RBM44: variants seen among roughly 807,000 people sequenced by gnomAD.
RBM44 encodes the protein RNA binding motif protein 44.
A neutral mutation model predicts 105.1 loss-of-function variants in RBM44; 66 were observed. The observed-to-expected ratio is 0.63, with a 90% CI of 0.52 to 0.77. RBM44 has a LOEUF of 0.77. Among genes scored for constraint, RBM44 ranks in the 30% least tolerant of loss-of-function variants. The pLI, the probability that RBM44 is intolerant of heterozygous loss-of-function variation, is 0.00. For missense variants in RBM44, 1,122 were observed against 1,207.8 expected (o/e 0.93, Z 1.05); for synonymous variants, 365 against 417.6 (o/e 0.87, Z 1.54).
chr2:237,821,701 A>C (rs1371085260), intron 7 of RBM44, 42 bp from the exon 8 acceptor site: 1 of 1,380,128 alleles, frequency 7.2e-7, no homozygotes, highest in Non-Finnish European at 1.0e-6. Flanking sequence ...TTACTCTGTT[A>C]TCAAACATTA....
chr2:237,828,410 A>G (rs1174417658), intron 12 of RBM44, among the ~76,000 whole-genome samples: 1 of 152,160 alleles, frequency 6.6e-6, no homozygotes, highest in East Asian at 1.9e-4. Flanking sequence ...ACATTTCATT[A>G]AAGTAGTATT....
intron 13 of RBM44, among the ~76,000 whole-genome samples, chr2:237,829,793 T>G (rs1034557948): frequency 6.6e-6 from 1 of 152,162 alleles, no homozygotes; most frequent in Non-Finnish European, 1.5e-5. Context: ...TAATTATAAT[T>G]TCATCTTTAT....
Position 237,829,746 on chromosome 2 carries a change from T to C in RBM44, c.2886+244T>C, listed in dbSNP as rs554001883. ...TCGTTTTAACTAGGCTCTTTGCCAG[T>C]CTTTCGCCGTCTTTTTATTACTACT... On this transcript the variant is annotated intron_variant, in intron 13 of 15. Transcript: ENST00000316997. 3.3e-5 allele frequency among the ~76,000 whole-genome samples: 5 copies of C among 152,314 alleles called. No individual in the cohort carries two copies. In the East Asian group the frequency reaches 9.6e-4, roughly 29 times the overall value.
intron 2 of RBM44, 151 bp from the exon 3 acceptor site, chr2:237,816,842 T>C (rs1025053377): frequency 2.6e-4 from 142 of 544,782 alleles, no homozygotes; most frequent in Middle Eastern, 1.5e-3. Flanking sequence ...ATGGTTCAGT[T>C]TTTAGCTGCT....
intron 1 of RBM44, among the ~76,000 whole-genome samples, chr2:237,801,895 G>C (rs1223782263): frequency 6.6e-6 from 1 of 151,958 alleles, no homozygotes; most frequent in Non-Finnish European, 1.5e-5. Context: ...ATTTAACTTT[G>C]TGAATCCCAA....
At chr2:237,809,109 G>C (rs1328305892) in intron 1 of RBM44, among the ~76,000 whole-genome samples, 2 of 152,042 alleles carry the variant, frequency 1.3e-5, no homozygotes, top group Non-Finnish European at 2.9e-5. Flanking sequence ...CTACCAATTT[G>C]ATAATCAAGA....
At chr2:237,810,960 G>A (rs1045442811) in intron 1 of RBM44, among the ~76,000 whole-genome samples, 1 of 152,102 alleles carries the variant, frequency 6.6e-6, no homozygotes. Flanking sequence ...CTGAAAAACC[G>A]AAGCAACCAT....
intron 4 of RBM44, among the ~76,000 whole-genome samples, chr2:237,819,414 A>C (rs2061758689): frequency 6.6e-6 from 1 of 152,066 alleles, no homozygotes; most frequent in Non-Finnish European, 1.5e-5. Flanking sequence ...GAGAACCAGG[A>C]AGTGGGAGGG....
intron 12 of RBM44, among the ~76,000 whole-genome samples, chr2:237,828,200 G>A (rs182586517): frequency 2.4e-4 from 37 of 152,206 alleles, no homozygotes; most frequent in Admixed American, 2.2e-3. Flanking sequence ...AATGGCGATA[G>A]CTTAATGGAA....
intron 12 of RBM44, among the ~76,000 whole-genome samples, chr2:237,828,307 C>T (rs1257601704): frequency 2.0e-5 from 3 of 151,892 alleles, no homozygotes; most frequent in Non-Finnish European, 4.4e-5. Context: ...GTTGGGGTTG[C>T]AATTTATTAA....
In RBM44 at chr2:237,817,759, G is replaced by C. The variant is rs1265792588; in HGVS notation, c.840G>C (p.Lys280Asn). The C allele has an allele frequency of 6.2e-7, 1 of 1,611,908 alleles. No individual in the cohort carries two copies. Reference sequence around the variant, plus strand: ...AATATCATGACCTAAAGCATGAAAAGTATAAGGAACAAGAGACTAATTCAA... The same window carrying C: ...AATATCATGACCTAAAGCATGAAAACTATAAGGAACAAGAGACTAATTCAA... ...LREYHDLKHE[K>N]YKEQETNSMY... The change falls in exon 3 of 16, where the codon AAG becomes AAC. Residue 280 changes from lysine (K) to asparagine (N), a missense_variant. Physicochemically the swap from Lys to Asn is moderately conservative, Grantham distance 94. This residue lies in a region of RBM44 where 918 missense variants were observed against 955.3 expected (regional missense o/e 0.96). Coordinates refer to ENST00000316997, the MANE Select transcript of RBM44 (RefSeq NM_001080504.3).
chr2:237,806,843 C>T (rs1174365462), intron 1 of RBM44, among the ~76,000 whole-genome samples: 1 of 152,162 alleles, frequency 6.6e-6, no homozygotes, highest in East Asian at 1.9e-4. Context: ...AAGTTGCCCA[C>T]CTGGCAAGGA....
At chr2:237,804,043 T>C (rs1027287625) in intron 1 of RBM44, among the ~76,000 whole-genome samples, 1 of 152,120 alleles carries the variant, frequency 6.6e-6, no homozygotes, top group Non-Finnish European at 1.5e-5. Context: ...CTAATTTTTG[T>C]ATTTTTAGTA....
chr2:237,825,586 G>A (rs2061839956), intron 10 of RBM44, among the ~76,000 whole-genome samples: 1 of 152,136 alleles, frequency 6.6e-6, no homozygotes, highest in African/African-American at 2.4e-5. Context: ...TGTATGGTTT[G>A]CTTACTTGAT....
chr2:237,807,489 G>A (rs1318840891), intron 1 of RBM44, among the ~76,000 whole-genome samples: 1 of 152,194 alleles, frequency 6.6e-6, no homozygotes, highest in Non-Finnish European at 1.5e-5. Context: ...AAGCATCTGA[G>A]AACTAGTCAG....
intron 1 of RBM44, among the ~76,000 whole-genome samples, chr2:237,811,550 A>G (rs766444370): frequency 1.8e-4 from 28 of 152,122 alleles, no homozygotes; most frequent in Non-Finnish European, 3.5e-4. Flanking sequence ...TGTTACAGGC[A>G]TGAGCCACCG....
At position 237,834,120 on chromosome 2, in the gene RBM44, G is replaced by C; in HGVS notation, c.3010G>C (p.Glu1004Gln). 6.3e-7 allele frequency: 1 copy of C among 1,575,468 alleles called. No homozygotes were observed. The highest frequency in any genetic ancestry group is 8.6e-7 in the Non-Finnish European group (1 of 1,160,194). ...TACCAAGATCATAAAGAGACTGGCT[G>C]AACTGCATCCAGAAGTCAGCAGGTA... ...SFTKIIKRLA[E>Q]LHPEVSRDHI... The change falls in exon 14 of 16, where the codon GAA becomes CAA. Residue 1004 changes from glutamate (E) to glutamine (Q), a missense_variant. Physicochemically the swap from Glu to Gln is conservative, Grantham distance 29. Coordinates refer to ENST00000316997, the MANE Select transcript of RBM44 (RefSeq NM_001080504.3).
intron 1 of RBM44, among the ~76,000 whole-genome samples, chr2:237,811,284 T>C (rs1325760612): frequency 3.9e-5 from 6 of 152,122 alleles, no homozygotes; most frequent in Non-Finnish European, 8.8e-5. Flanking sequence ...TTCTTTTTTT[T>C]CCCCTTAATA....
At chr2:237,820,079 G>T in intron 4 of RBM44, 96 bp from the exon 5 acceptor site, 1 of 602,048 alleles carries the variant, frequency 1.7e-6, no homozygotes, top group Non-Finnish European at 2.7e-6. Context: ...AACTTGACAG[G>T]GAAATATAAA....
Sources: allele counts gnomAD v4.1 joint callset (sites outside exome capture counted in the v4.1 genomes callset), GRCh38; gene constraint gnomAD v4.1.1; regional missense constraint gnomAD v4.1.1; transcripts MANE v1.5; gene names NCBI Gene and HGNC (gene_info 2026-07-23, HGNC 2026-07-21).